ABITRAM: variants seen among roughly 807,000 people sequenced by gnomAD.
ABITRAM encodes actin binding transcription modulator.
A neutral mutation model predicts 22.9 loss-of-function variants in ABITRAM; 19 were observed. The observed-to-expected ratio is 0.83, with a 90% CI of 0.58 to 1.22. ABITRAM has a LOEUF of 1.22. ABITRAM is among the 50% of genes most tolerant of loss of function. The pLI is 0.00. For missense variants in ABITRAM, 215 were observed against 220.2 expected, an observed-to-expected ratio of 0.98 and a Z score of 0.15; for synonymous variants, 70 against 73.9, an observed-to-expected ratio of 0.95 and a Z score of 0.27.
In ABITRAM at chr9:108,934,547, A is replaced by G. The variant is rs772047706; in HGVS notation, c.61A>G (p.Thr21Ala). 17 of 1,605,512 alleles carry G rather than the reference A, an allele frequency of 1.1e-5. No homozygotes were observed. The East Asian group carries it at 3.9e-4, about 36-fold the overall frequency. The change falls in exon 1 of 6, where the codon ACT (threonine) becomes GCT (alanine). Residue 21 changes from threonine (T) to alanine (A), a missense_variant. Transcript: ENST00000322940. ...VVPSLVDRYF[T>A]RWYKPDVKGK... is the part of the protein sequence containing the mutation. Reference sequence around the variant, plus strand: ...GCCTTCGCTCGTGGATCGATACTTCACTCGCTGGTACAAACCGGGTAAGTG... The same window carrying G: ...GCCTTCGCTCGTGGATCGATACTTCGCTCGCTGGTACAAACCGGGTAAGTG...
intron 3 of ABITRAM, chr9:108,948,291 T>A: frequency 6.6e-7 from 1 of 1,518,138 alleles, no homozygotes; most frequent in Non-Finnish European, 8.9e-7. Flanking sequence ...GAAAATTGAC[T>A]TTATAATATT....
chr9:108,937,996 CAA>C (rs56229176), intron 3 of ABITRAM, among the ~76,000 whole-genome samples: 31 of 69,588 alleles, frequency 4.5e-4, no homozygotes, highest in Admixed American at 9.0e-4. Context: ...GACCCTGTCT[CAA>C]AAAAAAAAAA....
intron 3 of ABITRAM, among the ~76,000 whole-genome samples, chr9:108,949,581 C>T (rs7028937): frequency 0.22 from 33,362 of 151,806 alleles, 4,501 homozygotes; most frequent in East Asian, 0.3. Flanking sequence ...TGGTGGCTAA[C>T]GCCTGTAATC....
downstream of ABITRAM, chr9:108,943,795 T>TA: frequency 1.1e-5 from 18 of 1,613,648 alleles, no homozygotes; most frequent in Non-Finnish European, 1.5e-5. Flanking sequence ...AGGAGAAGCA[T>TA]AAGCTTGTCA....
At chr9:108,941,195 A>G (rs1360955522), downstream of ABITRAM, among the ~76,000 whole-genome samples, 2 of 152,104 alleles carry the variant, frequency 1.3e-5, no homozygotes, top group Non-Finnish European at 2.9e-5. Flanking sequence ...TCATAGGAAA[A>G]ACTTGTAATC....
At position 108,939,746 on chromosome 9, in the gene ABITRAM, G is replaced by T; in HGVS notation, c.*60G>T. 1.9e-6 allele frequency: 3 copies of T among 1,588,538 alleles called. No homozygotes were observed. In the South Asian group the frequency reaches 3.4e-5, roughly 18 times the overall value. ...TTGTTACCTGGCCTAAACCATCAGG[G>T]TACTAAAGGAGAAGAACCAGTATAT... On this transcript the variant is annotated 3_prime_UTR_variant, in exon 6 of 6. Coordinates refer to ENST00000322940, the MANE Select transcript of ABITRAM (RefSeq NM_017832.4).
chr9:108,948,066 T>A (rs1019408894), intron 3 of ABITRAM: 2 of 1,157,192 alleles, frequency 1.7e-6, no homozygotes, highest in African/African-American at 3.2e-5. Flanking sequence ...CTCTCTGTAA[T>A]ACACAGGTAG....
chr9:108,935,485 G>A (rs1206679907), intron 1 of ABITRAM, among the ~76,000 whole-genome samples, 153 bp from the exon 2 acceptor site: 2 of 152,048 alleles, frequency 1.3e-5, no homozygotes, highest in East Asian at 3.9e-4. Flanking sequence ...AAACCTTTAG[G>A]TATGTCTTTT....
downstream of ABITRAM, chr9:108,944,121 C>G: frequency 8.7e-7 from 1 of 1,153,796 alleles, no homozygotes; most frequent in Non-Finnish European, 1.2e-6. Flanking sequence ...AAAAATAAAG[C>G]CTAGATATAA....
At chr9:108,948,240 A>G in intron 3 of ABITRAM, 1 of 1,610,310 alleles carries the variant, frequency 6.2e-7, no homozygotes, top group Non-Finnish European at 8.5e-7. Flanking sequence ...CTCCTCTAAA[A>G]TAAAATTAAT....
At chr9:108,944,290 G>A (rs536377396), downstream of ABITRAM, among the ~76,000 whole-genome samples, 1 of 152,306 alleles carries the variant, frequency 6.6e-6, no homozygotes, top group Admixed American at 6.5e-5. Context: ...ACACAGACCT[G>A]TGATATTCAG....
In ABITRAM at chr9:108,935,705, A is replaced by G; in HGVS notation, c.131+16A>G. ...ACTCTAACCGGTAAGCAAATTGGGAATTTTAAATTATCAAAAATTTTTTTT... is the reference window on the plus strand; with the variant it reads ...ACTCTAACCGGTAAGCAAATTGGGAGTTTTAAATTATCAAAAATTTTTTTT... On this transcript the variant is annotated intron_variant, in intron 2 of 5. Coordinates refer to ENST00000322940, the MANE Select transcript of ABITRAM (RefSeq NM_017832.4). 1 of 1,607,348 alleles carries G rather than the reference A, an allele frequency of 6.2e-7. No homozygotes were observed. Among genetic ancestry groups the G allele is most frequent in the South Asian group, 1.1e-5 (1 of 90,608 alleles).
chr9:108,942,972 G>T (rs369842608), downstream of ABITRAM: 8 of 1,612,810 alleles, frequency 5.0e-6, no homozygotes, highest in African/African-American at 1.3e-5. Context: ...TTCTTCAGCA[G>T]TTTATAACAA....
In ABITRAM at chr9:108,939,941, C is replaced by G; in HGVS notation, c.*255C>G. The G allele has an allele frequency of 2.8e-6, 1 of 362,746 alleles. No homozygotes were observed. The highest frequency in any genetic ancestry group is 4.9e-6 in the Non-Finnish European group (1 of 202,602). The allele number at this position is 362,746 out of a possible 1,614,324, so 22.5% of individuals were successfully genotyped here. A position where few individuals can be genotyped will look rare whatever the true frequency, so the allele number is the denominator to read the frequency against. On this transcript the variant is annotated 3_prime_UTR_variant, in exon 6 of 6. Transcript: ENST00000322940. Reference sequence around the variant, plus strand: ...TTGCATCTCTCTAACAACTGGCATGCAAGGCATGTTTTTCTGATTAAAAAC... The same window carrying G: ...TTGCATCTCTCTAACAACTGGCATGGAAGGCATGTTTTTCTGATTAAAAAC...
At chr9:108,935,722 A>ATT in intron 2 of ABITRAM, 33 bp downstream of exon 2, 1 of 1,551,050 alleles carries the variant, frequency 6.4e-7, no homozygotes, top group Non-Finnish European at 8.9e-7. Flanking sequence ...ATTATCAAAA[A>ATT]TTTTTTTTTC....
intron 3 of ABITRAM, among the ~76,000 whole-genome samples, chr9:108,946,984 A>C (rs754042822): frequency 6.6e-6 from 1 of 152,196 alleles, no homozygotes; most frequent in Non-Finnish European, 1.5e-5. Flanking sequence ...TCTGCTTTAC[A>C]GAAAAATCCA....
chr9:108,942,641 T>C (rs759023491), downstream of ABITRAM: 2 of 685,052 alleles, frequency 2.9e-6, no homozygotes, highest in East Asian at 2.7e-5. Context: ...GATCAGAAAA[T>C]AGAGCAAAAT....
At chr9:108,936,471 C>T (rs747079742) in intron 3 of ABITRAM, 34 bp downstream of exon 3, 2 of 1,604,392 alleles carry the variant, frequency 1.2e-6, no homozygotes, top group African/African-American at 1.3e-5. Flanking sequence ...TATCTACTTA[C>T]ATCCTCTATA....
intron 3 of ABITRAM, among the ~76,000 whole-genome samples, chr9:108,937,156 A>G (rs1025440470): frequency 2.6e-5 from 4 of 151,996 alleles, no homozygotes; most frequent in African/African-American, 9.7e-5. Context: ...CAAGACCAAG[A>G]CTCCGTCTCA....
Sources: gnomAD v4.1 joint callset for allele counts (sites outside exome capture counted in the v4.1 genomes callset) on GRCh38, gnomAD v4.1.1 for gene constraint, MANE v1.5 for transcripts, NCBI Gene and HGNC (gene_info 2026-07-23, HGNC 2026-07-21) for gene names.